GALNT15: variants seen among roughly 807,000 people sequenced by gnomAD.
GALNT15 encodes the protein UDP-GalNAc transferase T15.
GALNT15 carries 67 observed loss-of-function variants against 66.8 expected under a neutral mutation model. That is an observed-to-expected ratio of 1.00 (90% CI 0.82 to 1.23). The LOEUF is 1.23. Among genes scored for constraint, GALNT15 ranks in the 50% most tolerant of loss-of-function variants. The probability of loss-of-function intolerance (pLI) is 0.00; values close to 1 mark genes in which losing one functional copy is unlikely to be tolerated. For synonymous variants in GALNT15, 313 were observed against 311.5 expected, an observed-to-expected ratio of 1.00 and a Z score of -0.05; for missense variants, 827 against 804.3, an observed-to-expected ratio of 1.03 and a Z score of -0.34.
At chr3:16,202,554 A>G (rs2063714856) in intron 3 of GALNT15, among the ~76,000 whole-genome samples, 1 of 152,200 alleles carries the variant, frequency 6.6e-6, no homozygotes, top group Non-Finnish European at 1.5e-5. Flanking sequence ...AATCACTTGA[A>G]CCTGGGAGGC....
the GALNT15 span, among the ~76,000 whole-genome samples, chr3:16,241,445 A>T: frequency 6.6e-6 from 1 of 152,216 alleles, no homozygotes. The surrounding 1 kb of genome is among the most constrained non-coding windows in gnomAD (Gnocchi z 4.6). Context: ...TAGACTCTCC[A>T]CATGTGGCTG....
rs542107721 is a variant in GALNT15, at chr3:16,198,709, G to C, written c.707-1910G>C. On this transcript the variant is annotated intron_variant, in intron 2 of 9. Coordinates refer to ENST00000339732, the MANE Select transcript of GALNT15 (RefSeq NM_054110.5). ...CATCAACGAAGCATTTTACCAGTGAGAATTGCAACAGCCCAGTGACTGGGA... is the reference window on the plus strand; with the variant it reads ...CATCAACGAAGCATTTTACCAGTGACAATTGCAACAGCCCAGTGACTGGGA... Among the ~76,000 whole-genome samples the C allele has an allele frequency of 5.6e-5, 8 of 142,876 alleles. No homozygotes were observed. In the East Asian group the frequency reaches 1.3e-3, roughly 23 times the overall value. 93.7% of individuals were successfully genotyped at this position (142,876 alleles called of 152,430 possible).
intron 2 of GALNT15, among the ~76,000 whole-genome samples, chr3:16,197,136 A>T (rs1429079751): frequency 6.6e-6 from 1 of 152,220 alleles, no homozygotes; most frequent in Non-Finnish European, 1.5e-5. Context: ...GGTCCGCCCA[A>T]GAGCACACCT....
At position 16,229,696 on chromosome 3, in the gene GALNT15, A is replaced by C; in HGVS notation, c.*2196A>C. The C allele has an allele frequency of 1.0e-6, 1 of 979,154 alleles. No individual in the cohort carries two copies. The highest frequency in any genetic ancestry group is 1.2e-6 in the Non-Finnish European group (1 of 824,218). The allele number at this position is 979,154 out of a possible 1,614,324, so 60.7% of individuals were successfully genotyped here. The stretch of plus-strand genomic sequence containing the variant: ...TATCATTGGCATTGTGGGTCTTTGA[A>C]GTTGCTGGGATAAATTAATATAATT... On this transcript the variant is annotated 3_prime_UTR_variant, in exon 10 of 10. Coordinates refer to ENST00000339732, the MANE Select transcript of GALNT15 (RefSeq NM_054110.5).
At chr3:16,232,176 C>G (rs1258779097), downstream of GALNT15, among the ~76,000 whole-genome samples, 3 of 151,974 alleles carry the variant, frequency 2.0e-5, no homozygotes, top group Non-Finnish European at 4.4e-5. Context: ...GCCCCTCCTC[C>G]CAGCTGAACA....
intron 6 of GALNT15, among the ~76,000 whole-genome samples, chr3:16,214,761 T>C (rs999669153): frequency 1.2e-4 from 18 of 152,148 alleles, no homozygotes; most frequent in Non-Finnish European, 2.5e-4. Context: ...GAAGAATGGC[T>C]GAATGGGTTC....
rs1661232594 is a variant in GALNT15 at position 16,181,609 on chromosome 3, C to T, written c.539+5919C>T. Among the ~76,000 whole-genome samples, 1 of 152,136 alleles carries T rather than the reference C, an allele frequency of 6.6e-6. No homozygotes were observed. The highest frequency in any genetic ancestry group is 2.1e-4 in the South Asian group (1 of 4,826). On this transcript the variant is annotated intron_variant, in intron 1 of 9. Coordinates refer to ENST00000339732, the MANE Select transcript of GALNT15 (RefSeq NM_054110.5). This position sits in a 1 kb window ranked among gnomAD's most constrained non-coding sequence, Gnocchi z 5.9. ...CGTGATTCACCCCAAGATGACTCCCCACACCCCTTGTTGGCTGTGATAGCC... is the reference window on the plus strand; with the variant it reads ...CGTGATTCACCCCAAGATGACTCCCTACACCCCTTGTTGGCTGTGATAGCC...
chr3:16,175,000 C>A lies in GALNT15; in HGVS notation c.-152C>A, dbSNP rs946917836. On this transcript the variant is annotated 5_prime_UTR_variant, in exon 1 of 10. The change creates a new upstream start codon in the 5' untranslated region. Coordinates refer to ENST00000339732, the MANE Select transcript of GALNT15 (RefSeq NM_054110.5). The surrounding 1 kb of genome is among the most constrained non-coding windows in gnomAD (Gnocchi z 4.7). ...TAAGTGGAAGCAGGTCTTGCACACG[C>A]TGTTGGCAAATGTCAGGACCAGGTT... 1.2e-4 allele frequency: 78 copies of A among 657,174 alleles called. 2 individuals are homozygous for A. Among genetic ancestry groups the A allele is most frequent in the Non-Finnish European group, 6.5e-5 (25 of 387,566 alleles). 40.7% of individuals were successfully genotyped at this position (657,174 alleles called of 1,614,324 possible). A position where few individuals can be genotyped will look rare whatever the true frequency, so the allele number is the denominator to read the frequency against.
At chr3:16,244,958 G>A in the GALNT15 span, among the ~76,000 whole-genome samples, 3 of 152,144 alleles carry the variant, frequency 2.0e-5, no homozygotes, top group African/African-American at 7.2e-5. Context: ...CAGATCCCCT[G>A]AGCCCTGTGC....
Position 16,228,735 on chromosome 3 carries a change from C to A in GALNT15, c.*1235C>A, listed in dbSNP as rs926552657. The A allele has an allele frequency of 9.1e-6, 9 of 985,214 alleles. No individual in the cohort carries two copies. The highest frequency in any genetic ancestry group is 6.2e-5 in the Admixed American group (1 of 16,258). The allele number at this position is 985,214 out of a possible 1,614,324, so 61.0% of individuals were successfully genotyped here. A position where few individuals can be genotyped will look rare whatever the true frequency, so the allele number is the denominator to read the frequency against. On this transcript the variant is annotated 3_prime_UTR_variant, in exon 10 of 10. Transcript: ENST00000339732. Reference sequence around the variant, plus strand: ...CAGCAACCTTTCTAAAAAAGCAAACCTTTTTCCTGGGAGGAAAATGCCAGA... The same window carrying A: ...CAGCAACCTTTCTAAAAAAGCAAACATTTTTCCTGGGAGGAAAATGCCAGA...
At chr3:16,238,117 T>C in the GALNT15 span, among the ~76,000 whole-genome samples, 1 of 152,264 alleles carries the variant, frequency 6.6e-6, no homozygotes, top group Non-Finnish European at 1.5e-5. This position sits in a 1 kb window ranked among gnomAD's most constrained non-coding sequence, Gnocchi z 4.8. Flanking sequence ...TGGTCTACAC[T>C]TCCTTATTTT....
At position 16,212,577 on chromosome 3, in the gene GALNT15, C is replaced by T. The variant is rs1392394742; in HGVS notation, c.1206C>T (p.Leu402=). ...TTTTCCCTTCGTGGCAGGCCTGGCT[C>T]TGTGGTGGCTCTGTTGAAATCCTTC... ...ENLELSFKAW[L]CGGSVEILPC... Residue 402 remains leucine, a synonymous_variant, in exon 6 of 10, where the codon CTC becomes CTT. Transcript: ENST00000339732. 1 of 1,612,948 alleles carries T rather than the reference C, an allele frequency of 6.2e-7. No homozygotes were observed. Among genetic ancestry groups the T allele is most frequent in the Non-Finnish European group, 8.5e-7 (1 of 1,179,380 alleles).
At chr3:16,231,826 G>T (rs1326163618), downstream of GALNT15, 1 of 1,536,294 alleles carries the variant, frequency 6.5e-7, no homozygotes, top group Admixed American at 2.0e-5. This position sits in a 1 kb window ranked among gnomAD's most constrained non-coding sequence, Gnocchi z 4.1. Context: ...TGCTGCTGAA[G>T]CTTATCAAAG....
intron 3 of GALNT15, among the ~76,000 whole-genome samples, chr3:16,207,549 CCT>C (rs2124881244): frequency 9.6e-6 from 1 of 103,944 alleles, no homozygotes; most frequent in Admixed American, 1.1e-4. Flanking sequence ...AAAAATTGGG[CCT>C]AAAATTCCCC....
Position 16,211,187 on chromosome 3 carries a change from G to T in GALNT15, c.1143G>T (p.Ala381=). Residue 381 remains alanine (A), a synonymous_variant, in exon 5 of 10, where the codon GCG becomes GCT. Coordinates refer to ENST00000339732, the MANE Select transcript of GALNT15 (RefSeq NM_054110.5). The surrounding 1 kb of genome is among the most constrained non-coding windows in gnomAD (Gnocchi z 4.3). ...GACATTACTTCCAAAACACTGGAGC[G>T]TATGACTCTCTTATGTCGCTGCGAG... The part of the protein sequence containing the change: ...MDRHYFQNTG[A]YDSLMSLRGG... 6.2e-7 allele frequency: 1 copy of T among 1,614,028 alleles called. No individual in the cohort carries two copies. The highest frequency in any genetic ancestry group is 1.3e-5 in the African/African-American group (1 of 75,042).
intron 1 of GALNT15, among the ~76,000 whole-genome samples, chr3:16,179,917 C>T (rs1195760497): frequency 3.3e-5 from 5 of 152,172 alleles, no homozygotes; most frequent in East Asian, 1.9e-4. Context: ...GGAACAAGCC[C>T]GGCCCATTTA....
Position 16,228,229 on chromosome 3 carries a change from C to G in GALNT15, c.*729C>G. ...CTATTCCCCCTGCCCTAGCTCTTCT[C>G]TAACTTGGTTAACCATAACCATAAC... is the stretch of plus-strand genomic sequence containing the variant. On this transcript the variant is annotated 3_prime_UTR_variant, in exon 10 of 10. Coordinates refer to ENST00000339732, the MANE Select transcript of GALNT15 (RefSeq NM_054110.5). 1 of 985,916 alleles carries G rather than the reference C, an allele frequency of 1.0e-6. No individual in the cohort carries two copies. Among genetic ancestry groups the G allele is most frequent in the Non-Finnish European group, 1.2e-6 (1 of 829,960 alleles). The allele number at this position is 985,916 out of a possible 1,614,324, so 61.1% of individuals were successfully genotyped here. A position where few individuals can be genotyped will look rare whatever the true frequency, so the allele number is the denominator to read the frequency against.
intron 1 of GALNT15, among the ~76,000 whole-genome samples, chr3:16,190,197 T>C (rs950540838): frequency 1.3e-5 from 2 of 152,166 alleles, no homozygotes; most frequent in African/African-American, 4.8e-5. Flanking sequence ...GTGCTGCCCA[T>C]AGGCTGATGA....
At chr3:16,194,724 A>T (rs937316393) in intron 1 of GALNT15, among the ~76,000 whole-genome samples, 1 of 152,224 alleles carries the variant, frequency 6.6e-6, no homozygotes, top group Non-Finnish European at 1.5e-5. Flanking sequence ...GCAAATGAAC[A>T]CAGGAACAGA....
Sources: allele counts gnomAD v4.1 joint callset (sites outside exome capture counted in the v4.1 genomes callset), GRCh38; gene constraint gnomAD v4.1.1; non-coding constraint Gnocchi (gnomAD v3.1); transcripts MANE v1.5; gene names NCBI Gene and HGNC (gene_info 2026-07-23, HGNC 2026-07-21).